SLC2A13: variants seen among roughly 807,000 people sequenced by gnomAD.
SLC2A13 encodes the protein solute carrier family 2 member 13, also known as proton myo-inositol cotransporter.
SLC2A13 carries 32 observed loss-of-function variants against 64.4 expected under a neutral mutation model. The ratio of observed to expected loss-of-function variants is 0.50; its 90% CI spans 0.37 to 0.67. The LOEUF (loss-of-function observed/expected upper bound fraction) is 0.67. Among genes scored for constraint, SLC2A13 ranks in the 30% least tolerant of loss-of-function variants. The pLI, the probability that SLC2A13 is intolerant of heterozygous loss-of-function variation, is 0.00. For synonymous variants in SLC2A13, 338 were observed against 327.1 expected (o/e 1.03, Z -0.36); for missense variants, 743 against 829.2 (o/e 0.90, Z 1.28).
At chr12:39,871,393 C>A (rs1944050238) in intron 5 of SLC2A13, among the ~76,000 whole-genome samples, 1 of 151,596 alleles carries the variant, frequency 6.6e-6, no homozygotes, top group African/African-American at 2.4e-5. Context: ...AAAAAATGCT[C>A]CAAATTTAAT....
At chr12:39,951,169 T>C (rs1565557974) in intron 4 of SLC2A13, 88 bp downstream of exon 4, 1 of 1,111,508 alleles carries the variant, frequency 9.0e-7, no homozygotes, top group African/African-American at 1.5e-5. Context: ...TCACTGAGTC[T>C]AGTATTTACA....
chr12:39,843,409 G>A (rs1291747954), intron 6 of SLC2A13, among the ~76,000 whole-genome samples: 1 of 151,998 alleles, frequency 6.6e-6, no homozygotes, highest in Non-Finnish European at 1.5e-5. Flanking sequence ...CCAGCAGAAT[G>A]AAAATTTTAT....
chr12:39,851,515 C>G (rs925594480), intron 6 of SLC2A13, among the ~76,000 whole-genome samples: 3 of 152,068 alleles, frequency 2.0e-5, no homozygotes, highest in Admixed American at 1.3e-4. Context: ...CAAGATGGCC[C>G]TAATGTACAA....
chr12:39,769,044 C>CAAG lies in SLC2A13; in HGVS notation c.1446-4187_1446-4186insCTT, dbSNP rs1408456935. 2.0e-5 allele frequency among the ~76,000 whole-genome samples: 3 copies of CAAG among 152,198 alleles called. No homozygotes were observed. In the South Asian group the frequency reaches 6.2e-4, roughly 32 times the overall value. On this transcript the variant is annotated intron_variant, in intron 7 of 9. Transcript: ENST00000280871. ...CCCGGTGTGGCTTATTAACTTCTTTCAACAACCACTTCTCAGAAACTGAGC... is the reference window on the plus strand; with the variant it reads ...CCCGGTGTGGCTTATTAACTTCTTTCAAGAACAACCACTTCTCAGAAACTGAGC...
At position 40,105,312 on chromosome 12, in the gene SLC2A13, G is replaced by A; in HGVS notation, c.497C>T (p.Ala166Val). Residue 166 changes from alanine to valine, a missense_variant, in exon 1 of 10, where the codon GCT becomes GTT. Physicochemically the swap from Ala to Val is moderately conservative, Grantham distance 64. Around this residue, in one of 2 missense-constraint regions of SLC2A13, gnomAD observed 448 missense variants for 447.4 expected, o/e 1.00. Transcript: ENST00000280871. This position sits in a 1 kb window ranked among gnomAD's most constrained non-coding sequence, Gnocchi z 4.2. ...CAGTGTCTCCTTGTTGTTGGCCGCAGCCAGCACCGCGGAGCCGGCGGTGAA... is the reference window on the plus strand; with the variant it reads ...CAGTGTCTCCTTGTTGTTGGCCGCAACCAGCACCGCGGAGCCGGCGGTGAA... ...ALFTAGSAVL[A>V]AANNKETLLA... The A allele has an allele frequency of 6.2e-7, 1 of 1,601,600 alleles. No individual in the cohort carries two copies.
chr12:39,976,888 A>G (rs771169594), intron 3 of SLC2A13, among the ~76,000 whole-genome samples: 4 of 152,174 alleles, frequency 2.6e-5, no homozygotes, highest in Admixed American at 6.5e-5. Context: ...AAAAAATGAA[A>G]TCTACCTGTA....
chr12:39,988,327 A>C (rs1180818768), intron 3 of SLC2A13, among the ~76,000 whole-genome samples: 2 of 152,082 alleles, frequency 1.3e-5, no homozygotes, highest in Non-Finnish European at 2.9e-5. Context: ...CATCAACAAC[A>C]TAATTGTTGA....
intron 1 of SLC2A13, among the ~76,000 whole-genome samples, chr12:40,076,612 A>G (rs903549951): frequency 6.6e-6 from 1 of 152,164 alleles, no homozygotes; most frequent in Non-Finnish European, 1.5e-5. Context: ...TGTGATGAAC[A>G]TATGTTTGCA....
At chr12:40,009,334 C>A (rs1010205912) in intron 3 of SLC2A13, among the ~76,000 whole-genome samples, 18 of 152,142 alleles carry the variant, frequency 1.2e-4, no homozygotes, top group Admixed American at 1.1e-3. Context: ...AAACATTTTA[C>A]TAGCCAAATA....
intron 4 of SLC2A13, among the ~76,000 whole-genome samples, chr12:39,895,681 C>A (rs1350462820): frequency 2.1e-5 from 3 of 141,394 alleles, no homozygotes; most frequent in African/African-American, 7.8e-5. Flanking sequence ...TGTATACGTA[C>A]ACACATATGT....
chr12:39,907,494 A>C (rs1945318851), intron 4 of SLC2A13: 1 of 152,074 alleles, frequency 6.6e-6, no homozygotes, highest in Non-Finnish European at 1.5e-5. Context: ...TTCCTACAAA[A>C]CTCTATCAAA....
chr12:39,974,710 C>A (rs549723184), intron 3 of SLC2A13, among the ~76,000 whole-genome samples: 25 of 152,298 alleles, frequency 1.6e-4, no homozygotes, highest in African/African-American at 5.3e-4. Context: ...CAATTCTAGA[C>A]AAATGGCATG....
rs531551388 is a variant in SLC2A13, at chr12:39,876,333, A to G, written c.1035-4372T>C. Among the ~76,000 whole-genome samples the G allele has an allele frequency of 8.5e-5, 13 of 152,358 alleles. No homozygotes were observed. In the South Asian group the frequency reaches 2.7e-3, roughly 32 times the overall value. ...CTAATGCTGACTTTTAACTAGCAATAAAAGACTAAACATGAATACTTCATA... is the reference window on the plus strand; with the variant it reads ...CTAATGCTGACTTTTAACTAGCAATGAAAGACTAAACATGAATACTTCATA... On this transcript the variant is annotated intron_variant, in intron 4 of 9. Coordinates refer to ENST00000280871, the MANE Select transcript of SLC2A13 (RefSeq NM_052885.4).
intron 3 of SLC2A13, among the ~76,000 whole-genome samples, chr12:39,981,573 T>C (rs1313726294): frequency 0.018 from 2,746 of 150,116 alleles, 80 homozygotes; most frequent in African/African-American, 0.064. Flanking sequence ...CTAGAAAATC[T>C]AGAAGAAATG....
intron 3 of SLC2A13, among the ~76,000 whole-genome samples, chr12:39,994,387 AAAAAAAAAAC>A (rs1470204668): frequency 6.6e-6 from 1 of 151,602 alleles, no homozygotes; most frequent in Non-Finnish European, 1.5e-5. Flanking sequence ...CATCTCAAAA[AAAAAAAAAAC>A]AAAAAAAAAC....
At chr12:39,795,146 C>T (rs947597838) in intron 7 of SLC2A13, among the ~76,000 whole-genome samples, 10 of 152,150 alleles carry the variant, frequency 6.6e-5, no homozygotes, top group Admixed American at 4.6e-4. Context: ...ATTTGGAGTA[C>T]GCTAAACTTA....
chr12:40,016,183 T>A (rs1395287716), intron 3 of SLC2A13, among the ~76,000 whole-genome samples: 1 of 151,950 alleles, frequency 6.6e-6, no homozygotes, highest in Non-Finnish European at 1.5e-5. Context: ...TTTGAAAACA[T>A]ACTACACCAC....
rs547975454 is a variant in SLC2A13 at position 39,764,808 on chromosome 12, T to C, written c.1496A>G (p.Asn499Ser). ...FKTEDIFWAY[N>S]FCPTPYSWTA... ...CCAGGAGTATGGAGTAGGGCAGAAA[T>C]TGTAAGCCCAAAATATATCTTCTGT... Residue 499 changes from asparagine (N) to serine (S), a missense_variant, in exon 8 of 10, where the codon AAT (asparagine) becomes AGT (serine). Around this residue, in one of 2 missense-constraint regions of SLC2A13, gnomAD observed 295 missense variants for 381.7 expected, o/e 0.77. Coordinates refer to ENST00000280871, the MANE Select transcript of SLC2A13 (RefSeq NM_052885.4). 48 of 1,612,574 alleles carry C rather than the reference T, an allele frequency of 3.0e-5. No individual in the cohort carries two copies. The East Asian group carries it at 1.1e-3, about 36-fold the overall frequency.
chr12:39,824,799 G>A (rs1232156251), intron 7 of SLC2A13, among the ~76,000 whole-genome samples: 5 of 151,910 alleles, frequency 3.3e-5, no homozygotes, highest in African/African-American at 1.2e-4. Context: ...TGTTTTCTGG[G>A]GCTTATCACA....
Sources: allele counts gnomAD v4.1 joint callset (sites outside exome capture counted in the v4.1 genomes callset), GRCh38; gene constraint gnomAD v4.1.1; regional missense constraint gnomAD v4.1.1; non-coding constraint Gnocchi (gnomAD v3.1); transcripts MANE v1.5; gene names NCBI Gene and HGNC (gene_info 2026-07-23, HGNC 2026-07-21).